Variants in MCUB observed in about 807,000 individuals in gnomAD.
MCUB encodes calcium uniporter regulatory subunit MCUb, mitochondrial.
In MCUB, 46 loss-of-function variants were observed where a neutral mutation model predicts 41.4. That is an observed-to-expected ratio of 1.11 (90% confidence interval 0.88 to 1.42). MCUB has a LOEUF of 1.42. Among genes scored for constraint, MCUB ranks in the 40% most tolerant of loss-of-function variants. The pLI is 0.00. For synonymous variants in MCUB, 148 were observed against 148.2 expected (o/e 1.00, Z 0.01); for missense variants, 403 against 404.9 (o/e 1.00, Z 0.04).
chr4:109,661,425 AAGAT>A (rs770948041), intron 3 of MCUB, among the ~76,000 whole-genome samples: 13 of 152,206 alleles, frequency 8.5e-5, no homozygotes, highest in South Asian at 6.2e-4. Context: ...AATTAATTAA[AAGAT>A]AGAGAAGTTG....
intron 5 of MCUB, among the ~76,000 whole-genome samples, chr4:109,683,809 G>C (rs1729770276): frequency 6.6e-6 from 1 of 152,194 alleles, no homozygotes; most frequent in African/African-American, 2.4e-5. Context: ...TGAATTCCTA[G>C]AAGTAGAATT....
At position 109,673,924 on chromosome 4, in the gene MCUB, C is replaced by T. The variant is rs1729514931; in HGVS notation, c.452-8658C>T. 3 of 780,424 alleles carry T rather than the reference C, an allele frequency of 3.8e-6. No homozygotes were observed. The Admixed American group carries it at 5.1e-5, about 13-fold the overall frequency. The allele number at this position is 780,424 out of a possible 1,614,324, so 48.3% of individuals were successfully genotyped here. On this transcript the variant is annotated intron_variant, in intron 4 of 7. Coordinates refer to ENST00000394650, the MANE Select transcript of MCUB (RefSeq NM_017918.5). ...ACTTATTCGAAAAGCTAAAGAGGCA[C>T]CATTCGTACCCATTGGAATAGCAGG...
chr4:109,607,868 T>G (rs197206), intron 1 of MCUB, among the ~76,000 whole-genome samples: 33,795 of 152,068 alleles, frequency 0.22, 4,608 homozygotes, highest in South Asian at 0.33. Flanking sequence ...CTTGAGGTAG[T>G]CTTCTTTGGG....
chr4:109,578,904 A>G (rs1222517529), intron 1 of MCUB, among the ~76,000 whole-genome samples: 1 of 152,224 alleles, frequency 6.6e-6, no homozygotes, highest in Admixed American at 6.5e-5. Flanking sequence ...ACAAAAATGA[A>G]CAAGTCACAA....
At chr4:109,599,158 G>C (rs888197899) in intron 1 of MCUB, among the ~76,000 whole-genome samples, 26 of 152,342 alleles carry the variant, frequency 1.7e-4, no homozygotes, top group African/African-American at 6.0e-4. Context: ...GTGGGTTACA[G>C]TGTTAACCTT....
At chr4:109,622,186 T>C (rs1481799923) in intron 1 of MCUB, among the ~76,000 whole-genome samples, 1 of 152,104 alleles carries the variant, frequency 6.6e-6, no homozygotes, top group Non-Finnish European at 1.5e-5. Context: ...CTGGTGAGCA[T>C]TTTTAATAAT....
intron 1 of MCUB, among the ~76,000 whole-genome samples, chr4:109,645,340 G>A (rs1207322022): frequency 1.4e-5 from 2 of 146,306 alleles, no homozygotes; most frequent in Admixed American, 6.7e-5. Context: ...CCCCTCCATC[G>A]CCACTGCCCT....
chr4:109,620,890 ATTC>A (rs1212083021), intron 1 of MCUB, among the ~76,000 whole-genome samples: 2 of 137,842 alleles, frequency 1.5e-5, no homozygotes, highest in Non-Finnish European at 3.1e-5. Context: ...GAACTTCAAC[ATTC>A]TTCTTCTTTT....
At chr4:109,650,458 T>C (rs1207528778) in intron 1 of MCUB, among the ~76,000 whole-genome samples, 1 of 152,216 alleles carries the variant, frequency 6.6e-6, no homozygotes, top group African/African-American at 2.4e-5. Flanking sequence ...GTTGTAAACC[T>C]ATTGTTTTTG....
At chr4:109,673,760 C>T (rs1346023242) in intron 4 of MCUB, 2 of 567,156 alleles carry the variant, frequency 3.5e-6, no homozygotes, top group Non-Finnish European at 6.3e-6. Context: ...GAGAAATAAG[C>T]TTCTGAAGAA....
At chr4:109,608,590 T>C (rs1415478608) in intron 1 of MCUB, among the ~76,000 whole-genome samples, 1 of 152,104 alleles carries the variant, frequency 6.6e-6, no homozygotes, top group Non-Finnish European at 1.5e-5. Context: ...CTGACTAAAT[T>C]GATCCTCCCA....
intron 1 of MCUB, among the ~76,000 whole-genome samples, chr4:109,597,839 G>A (rs1239110118): frequency 5.9e-5 from 9 of 151,446 alleles, no homozygotes; most frequent in Non-Finnish European, 7.4e-5. Flanking sequence ...CTTCTCAGAC[G>A]GGGCGGTTGC....
At chr4:109,678,707 G>C (rs1172881097) in intron 4 of MCUB, among the ~76,000 whole-genome samples, 1 of 134,966 alleles carries the variant, frequency 7.4e-6, no homozygotes, top group Non-Finnish European at 1.5e-5. Context: ...TCCCAGACGG[G>C]GTGGTGGCCA....
chr4:109,629,816 C>T (rs768817994), intron 1 of MCUB, among the ~76,000 whole-genome samples: 5 of 152,178 alleles, frequency 3.3e-5, no homozygotes, highest in Non-Finnish European at 5.9e-5. Flanking sequence ...CAAACACAGT[C>T]CTTTTGGATT....
intron 3 of MCUB, among the ~76,000 whole-genome samples, chr4:109,661,140 A>G (rs1729222568): frequency 6.6e-6 from 1 of 152,220 alleles, no homozygotes; most frequent in South Asian, 2.1e-4. Flanking sequence ...CATTTTTTAA[A>G]AAACCAGAAG....
intron 1 of MCUB, among the ~76,000 whole-genome samples, chr4:109,634,375 A>G (rs756686717): frequency 5.9e-5 from 9 of 151,856 alleles, no homozygotes; most frequent in Non-Finnish European, 1.2e-4. Context: ...CCAGCTACTC[A>G]GGAAGGCTGA....
intron 1 of MCUB, among the ~76,000 whole-genome samples, chr4:109,628,582 G>A (rs1728410879): frequency 6.6e-6 from 1 of 152,186 alleles, no homozygotes; most frequent in Non-Finnish European, 1.5e-5. Flanking sequence ...TGATTGATTT[G>A]GAGTTTATTT....
chr4:109,644,655 A>G (rs897374153), intron 1 of MCUB, among the ~76,000 whole-genome samples: 3 of 152,184 alleles, frequency 2.0e-5, no homozygotes, highest in Non-Finnish European at 4.4e-5. Flanking sequence ...AAAATAAATC[A>G]CCAATAACGC....
At chr4:109,658,785 C>T (rs745732174) in intron 1 of MCUB, among the ~76,000 whole-genome samples, 2 of 152,126 alleles carry the variant, frequency 1.3e-5, no homozygotes, top group Admixed American at 1.3e-4. Context: ...ATTTAGGGAT[C>T]CCGTCCTGGT....
Sources: gnomAD v4.1 joint callset for allele counts (sites outside exome capture counted in the v4.1 genomes callset) on GRCh38, gnomAD v4.1.1 for gene constraint, MANE v1.5 for transcripts, NCBI Gene and HGNC (gene_info 2026-07-23, HGNC 2026-07-21) for gene names.